Variants in CTNNA2 observed in about 807,000 individuals in gnomAD.
CTNNA2 encodes catenin alpha 2.
In CTNNA2, 42 loss-of-function variants were observed where a neutral mutation model predicts 101.0. That is an observed-to-expected ratio of 0.42 (90% CI 0.32 to 0.54). The LOEUF (loss-of-function observed/expected upper bound fraction) is 0.54. Among genes scored for constraint, CTNNA2 ranks in the 20% least tolerant of loss-of-function variants. The pLI, the probability that CTNNA2 is intolerant of heterozygous loss-of-function variation, is 0.14. For missense variants in CTNNA2, 871 were observed against 1,223.1 expected, an observed-to-expected ratio of 0.71 and a Z score of 4.29; for synonymous variants, 450 against 456.4, an observed-to-expected ratio of 0.99 and a Z score of 0.18.
intron 1 of CTNNA2, among the ~76,000 whole-genome samples, chr2:79,517,430 C>T (rs1671866285): frequency 6.6e-6 from 1 of 152,014 alleles, no homozygotes; most frequent in Non-Finnish European, 1.5e-5. Flanking sequence ...AATTGTCCTC[C>T]TGAATATTAT....
At chr2:80,601,979 T>G (rs943059396) in intron 15 of CTNNA2, 13 of 152,116 alleles carry the variant, frequency 8.5e-5, no homozygotes, top group African/African-American at 3.1e-4. Context: ...ACACACAGAC[T>G]TCCATCCTGT....
intron 3 of CTNNA2, among the ~76,000 whole-genome samples, chr2:79,336,539 A>G (rs74465931): frequency 0.016 from 2,494 of 152,318 alleles, 74 homozygotes; most frequent in African/African-American, 0.057. Context: ...CAGACCACTC[A>G]TATGAGTCTA....
Position 80,221,897 on chromosome 2 carries a change from A to G in CTNNA2, c.1057-171314A>G, listed in dbSNP as rs569838786. On this transcript the variant is annotated intron_variant, in intron 7 of 18. Transcript: ENST00000402739. ...TCTGAAATTTAATCATGCAGGTTTA[A>G]TTGCCTCCAGTTGTATGGCTTTAAA... is the stretch of plus-strand genomic sequence containing the variant. Among the ~76,000 whole-genome samples the G allele has an allele frequency of 3.3e-5, 5 of 152,336 alleles. No homozygotes were observed. The East Asian group carries it at 9.7e-4, about 29-fold the overall frequency.
intron 18 of CTNNA2, among the ~76,000 whole-genome samples, chr2:80,630,682 G>A (rs1473098619): frequency 3.3e-5 from 5 of 151,956 alleles, no homozygotes; most frequent in African/African-American, 9.7e-5. Context: ...ATTTTTACAT[G>A]GTGAGAGAAT....
chr2:79,981,495 G>T (rs566587128), intron 7 of CTNNA2, among the ~76,000 whole-genome samples: 1 of 152,178 alleles, frequency 6.6e-6, no homozygotes, highest in Admixed American at 6.6e-5. Flanking sequence ...CACTTACCAT[G>T]AAAATAGGAA....
chr2:79,432,561 A>G (rs1678669348), intron 4 of CTNNA2, among the ~76,000 whole-genome samples: 1 of 152,194 alleles, frequency 6.6e-6, no homozygotes, highest in East Asian at 1.9e-4. Flanking sequence ...AGCCTTAAAG[A>G]AAGTACTGCA....
intron 7 of CTNNA2, among the ~76,000 whole-genome samples, chr2:80,391,191 T>C (rs1005993535): frequency 6.6e-6 from 1 of 151,662 alleles, no homozygotes; most frequent in Non-Finnish European, 1.5e-5. Flanking sequence ...GATGACTGAG[T>C]TCCTTGGTGC....
At chr2:80,090,809 C>T (rs1274064642) in intron 7 of CTNNA2, among the ~76,000 whole-genome samples, 1 of 152,016 alleles carries the variant, frequency 6.6e-6, no homozygotes, top group African/African-American at 2.4e-5. Context: ...ATGAATTGAG[C>T]CTGTAAGTCC....
At chr2:80,466,245 A>G (rs889829413) in intron 9 of CTNNA2, among the ~76,000 whole-genome samples, 2 of 152,186 alleles carry the variant, frequency 1.3e-5, no homozygotes, top group South Asian at 4.1e-4. Flanking sequence ...AGTGATTTAC[A>G]GAGAGCTTTC....
chr2:79,384,828 G>T (rs1210137994), intron 4 of CTNNA2, among the ~76,000 whole-genome samples: 2 of 151,620 alleles, frequency 1.3e-5, no homozygotes, highest in Admixed American at 6.6e-5. Context: ...ACTTAGTAAA[G>T]AATAAAACAG....
chr2:80,206,833 C>T (rs1707565058), intron 7 of CTNNA2, among the ~76,000 whole-genome samples: 1 of 152,184 alleles, frequency 6.6e-6, no homozygotes, highest in African/African-American at 2.4e-5. Context: ...TAGATTTCCT[C>T]TAAATGCAGA....
In CTNNA2 at chr2:79,803,671, CAGAG is replaced by C. The variant is rs1574008819; in HGVS notation, c.299-54340_299-54337del. ...CCATTATGAACATGTTACACTGCTG[CAGAG>C]ATTTTTGTTTATGGCCAGTTTTGGG... is the stretch of plus-strand genomic sequence containing the variant. On this transcript the variant is annotated intron_variant, in intron 3 of 18. Coordinates refer to ENST00000402739, the MANE Select transcript of CTNNA2 (RefSeq NM_001282597.3). Among the ~76,000 whole-genome samples, 3 of 152,244 alleles carry C rather than the reference CAGAG, an allele frequency of 2.0e-5. No homozygotes were observed. In the East Asian group the frequency reaches 5.8e-4, roughly 29 times the overall value.
chr2:79,414,870 C>T (rs6729991), intron 4 of CTNNA2, among the ~76,000 whole-genome samples: 44,120 of 151,882 alleles, frequency 0.29, 6,556 homozygotes, highest in South Asian at 0.43. Flanking sequence ...CTGTACCATA[C>T]GAATGGCCAT....
At chr2:80,167,739 A>T (rs1177579554) in intron 7 of CTNNA2, among the ~76,000 whole-genome samples, 1 of 152,188 alleles carries the variant, frequency 6.6e-6, no homozygotes, top group Middle Eastern at 3.2e-3. Flanking sequence ...GGTTATCAGG[A>T]ATTAGTTGTA....
At chr2:79,819,069 T>C (rs1235772754) in intron 3 of CTNNA2, among the ~76,000 whole-genome samples, 1 of 150,122 alleles carries the variant, frequency 6.7e-6, no homozygotes. Flanking sequence ...AACCCCTGCC[T>C]CCCAGGTTCA....
chr2:80,045,157 G>A (rs1696432872), intron 7 of CTNNA2, among the ~76,000 whole-genome samples: 1 of 152,146 alleles, frequency 6.6e-6, no homozygotes, highest in South Asian at 2.1e-4. Context: ...AAAGTTTCAT[G>A]GCCTTTTATG....
intron 3 of CTNNA2, among the ~76,000 whole-genome samples, chr2:79,791,530 G>A (rs1476651863): frequency 6.6e-6 from 1 of 152,170 alleles, no homozygotes; most frequent in East Asian, 1.9e-4. Flanking sequence ...TTAAGCCTCT[G>A]TGCATAGTTG....
At chr2:79,512,743 G>GCCTGCCGCGCCTCCAGAGCTCCGC (rs1671586893), upstream of CTNNA2, among the ~76,000 whole-genome samples, 1 of 151,478 alleles carries the variant, frequency 6.6e-6, no homozygotes, top group Non-Finnish European at 1.5e-5. Flanking sequence ...GCGGCGCCGA[G>GCCTGCCGCGCCTCCAGAGCTCCGC]CCTGCCGCGC....
At chr2:79,294,277 G>A (rs1440328258) in intron 2 of CTNNA2, among the ~76,000 whole-genome samples, 1 of 151,828 alleles carries the variant, frequency 6.6e-6, no homozygotes, top group African/African-American at 2.4e-5. Context: ...TGGAGGAGGA[G>A]ACAAATTCAA....
Sources: allele counts gnomAD v4.1 joint callset (sites outside exome capture counted in the v4.1 genomes callset), GRCh38; gene constraint gnomAD v4.1.1; transcripts MANE v1.5; gene names NCBI Gene and HGNC (gene_info 2026-07-23, HGNC 2026-07-21).